STK39: variants seen among roughly 807,000 people sequenced by gnomAD.
STK39 encodes STE20/SPS1-related proline-alanine-rich protein kinase.
A neutral mutation model predicts 77.8 loss-of-function variants in STK39; 20 were observed. That is an observed-to-expected ratio of 0.26 (90% CI 0.18 to 0.37). The LOEUF (loss-of-function observed/expected upper bound fraction) is 0.37. Among genes scored for constraint, STK39 ranks in the 10% least tolerant of loss-of-function variants. The pLI, the probability that STK39 is intolerant of heterozygous loss-of-function variation, is 1.00. For synonymous variants in STK39, 246 were observed against 234.1 expected (o/e 1.05, Z -0.47); for missense variants, 479 against 656.5 (o/e 0.73, Z 2.95).
chr2:168,103,712 T>C (rs1686896861), intron 10 of STK39, among the ~76,000 whole-genome samples: 1 of 152,204 alleles, frequency 6.6e-6, no homozygotes, highest in Admixed American at 6.5e-5. Context: ...GATGGCTGAG[T>C]GGTTGGTACC....
At chr2:168,017,560 T>G (rs1165354767) in intron 14 of STK39, among the ~76,000 whole-genome samples, 1 of 151,842 alleles carries the variant, frequency 6.6e-6, no homozygotes, top group African/African-American at 2.4e-5. Flanking sequence ...TTAGTAGAGA[T>G]GGGGTTTCTC....
chr2:168,019,358 T>C (rs1466043627), intron 14 of STK39, among the ~76,000 whole-genome samples: 1 of 152,232 alleles, frequency 6.6e-6, no homozygotes, highest in Non-Finnish European at 1.5e-5. Flanking sequence ...TTATTATTAG[T>C]TCTTGTTGTT....
chr2:168,201,401 G>A (rs941106685), intron 1 of STK39, among the ~76,000 whole-genome samples: 1 of 152,140 alleles, frequency 6.6e-6, no homozygotes, highest in Non-Finnish European at 1.5e-5. Context: ...CATATTTATG[G>A]GCAGGCCTGG....
chr2:168,115,832 G>A (rs1327334858), intron 10 of STK39, among the ~76,000 whole-genome samples: 1 of 152,210 alleles, frequency 6.6e-6, no homozygotes, highest in Non-Finnish European at 1.5e-5. Context: ...CTATGGGCAA[G>A]TGGACAATAG....
intron 1 of STK39, among the ~76,000 whole-genome samples, chr2:168,217,133 T>C (rs1411721337): frequency 2.0e-5 from 3 of 152,222 alleles, no homozygotes; most frequent in Non-Finnish European, 2.9e-5. Context: ...TCTGCAGCTC[T>C]ACCTGTGTCT....
intron 14 of STK39, among the ~76,000 whole-genome samples, chr2:168,051,105 G>A (rs1421899086): frequency 6.6e-6 from 1 of 152,138 alleles, no homozygotes; most frequent in African/African-American, 2.4e-5. Context: ...ATATGGTAAC[G>A]GAGAACTGAA....
intron 6 of STK39, 122 bp from the exon 7 acceptor site, chr2:168,140,512 A>T: frequency 8.6e-7 from 1 of 1,161,266 alleles, no homozygotes; most frequent in Non-Finnish European, 1.3e-6. Context: ...TTTGCTAATT[A>T]GCTAGCAATT....
intron 10 of STK39, among the ~76,000 whole-genome samples, chr2:168,115,969 T>G (rs1194133321): frequency 2.0e-5 from 3 of 152,148 alleles, no homozygotes; most frequent in Non-Finnish European, 1.5e-5. Flanking sequence ...CACTGAACAG[T>G]CTCCATGTCA....
intron 1 of STK39, among the ~76,000 whole-genome samples, chr2:168,237,490 G>C (rs958611108): frequency 1.3e-5 from 2 of 152,192 alleles, no homozygotes; most frequent in Non-Finnish European, 2.9e-5. Flanking sequence ...TGTTGAATAG[G>C]AGTGGTGAGA....
chr2:167,965,047 T>G (rs1460339073), intron 16 of STK39, among the ~76,000 whole-genome samples: 1 of 152,122 alleles, frequency 6.6e-6, no homozygotes, highest in African/African-American at 2.4e-5. Context: ...GCCACTTGGC[T>G]TCTCTAAATA....
intron 10 of STK39, among the ~76,000 whole-genome samples, chr2:168,079,755 C>A (rs1419753845): frequency 6.6e-6 from 1 of 152,220 alleles, no homozygotes; most frequent in African/African-American, 2.4e-5. Flanking sequence ...CAACACTTTC[C>A]CTCATTGCCA....
At chr2:168,138,012 G>C (rs1424905469) in intron 8 of STK39, 76 bp downstream of exon 8, 1 of 1,537,364 alleles carries the variant, frequency 6.5e-7, no homozygotes. Flanking sequence ...TCCTCACAAA[G>C]CCTTTCCCCA....
intron 12 of STK39, among the ~76,000 whole-genome samples, chr2:168,069,571 T>C (rs1685886050): frequency 6.6e-6 from 1 of 151,730 alleles, no homozygotes; most frequent in African/African-American, 2.4e-5. Flanking sequence ...TATTTTTATT[T>C]TGGAAATTTC....
intron 16 of STK39, among the ~76,000 whole-genome samples, chr2:167,997,397 A>C (rs1440930608): frequency 6.6e-6 from 1 of 152,114 alleles, no homozygotes; most frequent in Non-Finnish European, 1.5e-5. Flanking sequence ...TCAAAAGGGA[A>C]AGAGGGAAGA....
chr2:168,051,724 A>G (rs1476058658), intron 14 of STK39, among the ~76,000 whole-genome samples: 1 of 152,246 alleles, frequency 6.6e-6, no homozygotes, highest in East Asian at 1.9e-4. Flanking sequence ...AAGGGCTGCA[A>G]TTACAGGCAC....
chr2:168,087,758 T>C (rs965779390), intron 10 of STK39, among the ~76,000 whole-genome samples: 21 of 152,202 alleles, frequency 1.4e-4, no homozygotes, highest in African/African-American at 5.1e-4. Context: ...TATCGGTATT[T>C]ATAAACAAAA....
chr2:168,129,473 A>G (rs1687624776), intron 10 of STK39, 68 bp downstream of exon 10: 1 of 1,580,750 alleles, frequency 6.3e-7, no homozygotes, highest in Non-Finnish European at 8.6e-7. Flanking sequence ...TCTTTTTCCA[A>G]TTTTTCTATG....
intron 5 of STK39, among the ~76,000 whole-genome samples, chr2:168,154,204 T>C (rs1401669401): frequency 2.6e-5 from 4 of 152,196 alleles, no homozygotes; most frequent in African/African-American, 7.2e-5. Context: ...GAAGAATGGT[T>C]CTCCCACTAA....
chr2:168,104,874 CA>C (rs1249772576), intron 10 of STK39, among the ~76,000 whole-genome samples: 1 of 152,070 alleles, frequency 6.6e-6, no homozygotes, highest in Non-Finnish European at 1.5e-5. Context: ...TTTGTAATTG[CA>C]AACATTTGGA....
Sources: gnomAD v4.1 joint callset for allele counts (sites outside exome capture counted in the v4.1 genomes callset) on GRCh38, gnomAD v4.1.1 for gene constraint, MANE v1.5 for transcripts, NCBI Gene and HGNC (gene_info 2026-07-23, HGNC 2026-07-21) for gene names.